Variants in FAM117B observed in about 807,000 individuals in gnomAD.
FAM117B encodes the protein protein FAM117B.
FAM117B carries 22 observed loss-of-function variants against 52.8 expected under a neutral mutation model. The observed-to-expected ratio is 0.42, with a 90% CI of 0.30 to 0.59. The LOEUF (loss-of-function observed/expected upper bound fraction) is 0.59, where lower values mean the gene tolerates loss of function less well. FAM117B is among the 20% of genes least tolerant of loss of function. The pLI is 0.22. For synonymous variants in FAM117B, 309 were observed against 324.1 expected (o/e 0.95, Z 0.50); for missense variants, 678 against 802.6 (o/e 0.84, Z 1.88).
chr2:202,668,332 G>A (rs1276228072), intron 1 of FAM117B, among the ~76,000 whole-genome samples: 1 of 148,052 alleles, frequency 6.8e-6, no homozygotes, highest in African/African-American at 2.5e-5. Flanking sequence ...GGGAGGCTGA[G>A]GTGGGAGGAT....
chr2:202,700,456 T>C (rs908522026), intron 2 of FAM117B, among the ~76,000 whole-genome samples: 13 of 152,190 alleles, frequency 8.5e-5, no homozygotes, highest in Admixed American at 8.5e-4. Context: ...AAGCCTAATC[T>C]AGAGTAAGAC....
At chr2:202,666,702 T>C (rs1019689370) in intron 1 of FAM117B, among the ~76,000 whole-genome samples, 1 of 148,002 alleles carries the variant, frequency 6.8e-6, no homozygotes, top group Non-Finnish European at 1.5e-5. Flanking sequence ...AGAGTCTCGC[T>C]CTGCTGCCCA....
intron 2 of FAM117B, among the ~76,000 whole-genome samples, chr2:202,699,449 G>GAAA (rs59522030): frequency 1.2e-4 from 12 of 100,022 alleles, no homozygotes; most frequent in East Asian, 3.1e-4. Flanking sequence ...AAAAAAAAAA[G>GAAA]AAAAAAAAAA....
chr2:202,746,879 C>T (rs1691641382), intron 4 of FAM117B, among the ~76,000 whole-genome samples: 2 of 151,822 alleles, frequency 1.3e-5, no homozygotes, highest in Admixed American at 1.3e-4. Context: ...AGGAGTTTCT[C>T]CTAACTCATT....
At chr2:202,723,114 A>G (rs1363682309) in intron 2 of FAM117B, among the ~76,000 whole-genome samples, 2 of 152,164 alleles carry the variant, frequency 1.3e-5, no homozygotes, top group African/African-American at 4.8e-5. Flanking sequence ...GAAGTTGACC[A>G]AATTGTAGCC....
intron 2 of FAM117B, among the ~76,000 whole-genome samples, chr2:202,714,533 C>CTTTTTTTTTTTTTTTTTT (rs1034689626): frequency 1.7e-5 from 2 of 117,656 alleles, no homozygotes; most frequent in Non-Finnish European, 3.4e-5. Flanking sequence ...TTTTTTTTTT[C>CTTTTTTTTTTTTTTTTTT]TTTTTTTTTT....
chr2:202,702,305 C>A (rs535934876), intron 2 of FAM117B, among the ~76,000 whole-genome samples: 2 of 151,934 alleles, frequency 1.3e-5, no homozygotes, highest in African/African-American at 4.8e-5. Context: ...GCAGGAGAAT[C>A]GCTTGAACCC....
At chr2:202,760,617 A>G (rs1292156501) in intron 7 of FAM117B, among the ~76,000 whole-genome samples, 1 of 152,162 alleles carries the variant, frequency 6.6e-6, no homozygotes, top group Non-Finnish European at 1.5e-5. Context: ...TGTAGAAGCC[A>G]TGAATTGTGC....
At chr2:202,670,294 TTTTTC>T (rs1044894003) in intron 1 of FAM117B, among the ~76,000 whole-genome samples, 3 of 146,400 alleles carry the variant, frequency 2.0e-5, no homozygotes, top group African/African-American at 8.3e-5. Flanking sequence ...CTTTCTTTTT[TTTTTC>T]TTTTTTTTTG....
At chr2:202,763,134 T>C (rs1295220118) in intron 7 of FAM117B, among the ~76,000 whole-genome samples, 5 of 148,122 alleles carry the variant, frequency 3.4e-5, no homozygotes, top group African/African-American at 1.3e-4. Context: ...TGCAGTGGTG[T>C]GATCTTGGCT....
At chr2:202,714,959 G>A (rs534481207) in intron 2 of FAM117B, among the ~76,000 whole-genome samples, 4 of 151,586 alleles carry the variant, frequency 2.6e-5, no homozygotes, top group East Asian at 3.9e-4. Flanking sequence ...GCAACCATCC[G>A]ATTTCTCAGT....
rs78786619 is a variant in FAM117B at position 202,744,371 on chromosome 2, C to T, written c.961-11167C>T. Among the ~76,000 whole-genome samples, 86 of 152,268 alleles carry T rather than the reference C, an allele frequency of 5.6e-4. 1 individual carries two copies. The highest frequency in any genetic ancestry group is 2.1e-3 in the Admixed American group (32 of 15,292). ...ATGGTGCCAGACTCTTTTTAACCTC[C>T]AGCTATTGCAGGAACTAACGGAGTG... On this transcript the variant is annotated intron_variant, in intron 4 of 7. Transcript: ENST00000392238.
In FAM117B at chr2:202,648,028, C is replaced by G. The variant is rs1278850996; in HGVS notation, c.601+12240C>G. ...AATTTACCTACCAGAATGTGTCTCTCTTTCCTCTCCTCTCTCCCCTACTCC... is the reference window on the plus strand; with the variant it reads ...AATTTACCTACCAGAATGTGTCTCTGTTTCCTCTCCTCTCTCCCCTACTCC... On this transcript the variant is annotated intron_variant, in intron 1 of 7. Coordinates refer to ENST00000392238, the MANE Select transcript of FAM117B (RefSeq NM_173511.4). Among the ~76,000 whole-genome samples the G allele has an allele frequency of 2.0e-5, 3 of 152,120 alleles. No homozygotes were observed. The East Asian group carries it at 5.8e-4, about 29-fold the overall frequency.
intron 1 of FAM117B, among the ~76,000 whole-genome samples, chr2:202,681,181 T>G (rs962716561): frequency 6.6e-6 from 1 of 151,584 alleles, no homozygotes. Context: ...AAACAAAAAG[T>G]AAAAGAAATA....
At chr2:202,696,071 C>T in intron 2 of FAM117B, 39 bp downstream of exon 2, 1 of 1,590,684 alleles carries the variant, frequency 6.3e-7, no homozygotes, top group Non-Finnish European at 8.6e-7. Context: ...GTGTTTTTCT[C>T]TGAAGCTACT....
chr2:202,658,638 G>A (rs1239999097), intron 1 of FAM117B, among the ~76,000 whole-genome samples: 3 of 152,124 alleles, frequency 2.0e-5, no homozygotes, highest in East Asian at 3.9e-4. Context: ...TTCACTAGAT[G>A]TAGAATCCTG....
intron 1 of FAM117B, among the ~76,000 whole-genome samples, chr2:202,638,591 A>G (rs922507873): frequency 7.7e-4 from 117 of 152,156 alleles, no homozygotes; most frequent in African/African-American, 2.7e-3. Flanking sequence ...AAATAAATAA[A>G]TAAATCCAGA....
In FAM117B at chr2:202,640,340, A is replaced by ATATATATATATATG. The variant is rs1371719386; in HGVS notation, c.601+4555_601+4556insATATATATATGTAT. On this transcript the variant is annotated intron_variant, in intron 1 of 7. Coordinates refer to ENST00000392238, the MANE Select transcript of FAM117B (RefSeq NM_173511.4). Reference sequence around the variant, plus strand: ...TATATATATATATATATATATATATATATGGCAAGTCGTGTTCTTGCTAGT... The same window carrying ATATATATATATATG: ...TATATATATATATATATATATATATATATATATATATATGTATGGCAAGTCGTGTTCTTGCTAGT... 7.7e-4 allele frequency among the ~76,000 whole-genome samples: 81 copies of ATATATATATATATG among 105,710 alleles called. 10 individuals carry two copies. Among genetic ancestry groups the ATATATATATATATG allele is most frequent in the African/African-American group, 3.3e-3 (76 of 23,088 alleles). The allele number at this position is 105,710 out of a possible 152,430, so 69.3% of individuals were successfully genotyped here.
chr2:202,672,179 G>A (rs1690308835), intron 1 of FAM117B, among the ~76,000 whole-genome samples: 2 of 152,096 alleles, frequency 1.3e-5, no homozygotes, highest in Non-Finnish European at 2.9e-5. Context: ...TACATGTTGA[G>A]CATATAATTA....
Sources: gnomAD v4.1 joint callset for allele counts (sites outside exome capture counted in the v4.1 genomes callset) on GRCh38, gnomAD v4.1.1 for gene constraint, MANE v1.5 for transcripts, NCBI Gene and HGNC (gene_info 2026-07-23, HGNC 2026-07-21) for gene names.